REV3L: variants seen among roughly 807,000 people sequenced by gnomAD.
REV3L encodes DNA polymerase zeta catalytic subunit.
Under a neutral mutation model 299.4 loss-of-function variants are expected in REV3L, and 69 were observed. The ratio of observed to expected loss-of-function variants is 0.23; its 90% confidence interval spans 0.19 to 0.28. REV3L has a LOEUF of 0.28. Among genes scored for constraint, REV3L ranks in the 10% least tolerant of loss-of-function variants. The pLI, the probability that REV3L is intolerant of heterozygous loss-of-function variation, is 1.00. For synonymous variants in REV3L, 1,238 were observed against 1,271.4 expected (o/e 0.97, Z 0.56); for missense variants, 3,128 against 3,693.8 (o/e 0.85, Z 3.97).
chr6:111,413,190 T>C (rs749629633), intron 2 of REV3L, among the ~76,000 whole-genome samples: 1 of 152,146 alleles, frequency 6.6e-6, no homozygotes, highest in Non-Finnish European at 1.5e-5. Context: ...TGCTATGGTA[T>C]TTTTCATATA....
At chr6:111,393,690 C>T (rs561511184) in intron 4 of REV3L, among the ~76,000 whole-genome samples, 3 of 151,956 alleles carry the variant, frequency 2.0e-5, no homozygotes, top group Admixed American at 1.3e-4. Flanking sequence ...CTAGTAACTA[C>T]CTTTCTTCTT....
At chr6:111,303,578 G>C (rs950828495) in intron 31 of REV3L, among the ~76,000 whole-genome samples, 19 of 149,548 alleles carry the variant, frequency 1.3e-4, no homozygotes, top group African/African-American at 4.7e-4. Flanking sequence ...TGTTGGCCAG[G>C]CTGGTCTCAA....
chr6:111,309,643 C>T lies in REV3L; in HGVS notation c.9042+210G>A, dbSNP rs1164551528. 4 of 478,790 alleles carry T rather than the reference C, an allele frequency of 8.4e-6. No homozygotes were observed. In the South Asian group the frequency reaches 1.5e-4, roughly 18 times the overall value. The allele number at this position is 478,790 out of a possible 1,614,324, so 29.7% of individuals were successfully genotyped here. A position where few individuals can be genotyped will look rare whatever the true frequency, so the allele number is the denominator to read the frequency against. ...GCATGAAAGCAGGAGTGCCTATCCT[C>T]ACCTAGATCTGTGGGGGTGGAGCCC... is the stretch of plus-strand genomic sequence containing the variant. On this transcript the variant is annotated intron_variant, in intron 30 of 31. Transcript: ENST00000368802.
At chr6:111,389,641 A>G (rs12200758) in intron 6 of REV3L, among the ~76,000 whole-genome samples, 16,583 of 151,826 alleles carry the variant, frequency 0.11, 1,204 homozygotes, top group Middle Eastern at 0.2. Context: ...AGCAATCTTC[A>G]TAACATTTTG....
chr6:111,428,608 T>C (rs1423850450), intron 1 of REV3L, among the ~76,000 whole-genome samples: 1 of 151,712 alleles, frequency 6.6e-6, no homozygotes, highest in Non-Finnish European at 1.5e-5. Context: ...AGTCTCTCAA[T>C]AGCAGGATAT....
At chr6:111,330,907 T>A in intron 24 of REV3L, 3 of 834,026 alleles carry the variant, frequency 3.6e-6, no homozygotes, top group Non-Finnish European at 4.3e-6. Context: ...TTTCTTCATC[T>A]ACATGGCTAA....
At chr6:111,392,351 C>T (rs1782018634) in intron 5 of REV3L, among the ~76,000 whole-genome samples, 2 of 152,032 alleles carry the variant, frequency 1.3e-5, no homozygotes, top group African/African-American at 2.4e-5. Context: ...TAAGCAAATA[C>T]ATAGCTGCTT....
chr6:111,356,875 C>T (rs1778145275), intron 18 of REV3L, 139 bp downstream of exon 18: 3 of 399,308 alleles, frequency 7.5e-6, no homozygotes, highest in Non-Finnish European at 1.4e-5. Context: ...AAAATCTTCC[C>T]AAGAGTAACT....
intron 7 of REV3L, 89 bp from the exon 8 acceptor site, chr6:111,388,174 C>A: frequency 1.2e-6 from 1 of 824,454 alleles, no homozygotes. Flanking sequence ...AAAATGGTGG[C>A]AATTTCCTAT....
At chr6:111,377,866 G>C in intron 11 of REV3L, 23 bp from the exon 12 acceptor site, 1 of 1,592,450 alleles carries the variant, frequency 6.3e-7, no homozygotes, top group Non-Finnish European at 8.5e-7. Flanking sequence ...AAAATTCACT[G>C]GTGAGCATGA....
chr6:111,312,309 T>C (rs937047810), intron 28 of REV3L: 2 of 152,204 alleles, frequency 1.3e-5, no homozygotes, highest in Admixed American at 1.3e-4. Context: ...CATAATATAT[T>C]GATAATATTC....
chr6:111,372,611 A>G lies in REV3L; in HGVS notation c.5744T>C (p.Val1915Ala), dbSNP rs771965600. The G allele has an allele frequency of 6.7e-7, 1 of 1,483,124 alleles. No homozygotes were observed. Among genetic ancestry groups the G allele is most frequent in the African/African-American group, 1.4e-5 (1 of 70,950 alleles). 91.9% of individuals were successfully genotyped at this position (1,483,124 alleles called of 1,614,324 possible). ...AACTGATTACCTGGGCTTTTCTGGT[A>G]CATCAGAAGGATTACTGCAAAATGG... ...QEPFCSNPSD[V>A]PEKPREIGGR... is the part of the protein sequence containing the mutation. Residue 1915 changes from valine to alanine, a missense_variant, in exon 13 of 32, where the codon GTA (valine) becomes GCA (alanine). Around this residue, in one of 9 missense-constraint regions of REV3L, gnomAD observed 2,409 missense variants for 2,611.8 expected, o/e 0.92. Coordinates refer to ENST00000368802, the MANE Select transcript of REV3L (RefSeq NM_001372078.1).
At chr6:111,403,157 C>T (rs572271627) in intron 4 of REV3L, among the ~76,000 whole-genome samples, 3 of 152,268 alleles carry the variant, frequency 2.0e-5, no homozygotes, top group Admixed American at 6.5e-5. Context: ...TATATGATTC[C>T]ACTTACATTA....
rs1291033231 is a variant in REV3L, at chr6:111,367,124, A to G, written c.6664T>C (p.Leu2222=). Residue 2222 remains leucine, a synonymous_variant, in exon 14 of 32, where the codon TTA becomes CTA. Coordinates refer to ENST00000368802, the MANE Select transcript of REV3L (RefSeq NM_001372078.1). ...RLPEAPGLSP[L]STEPKTQKLS... ...TTATTTGTACACTTACCTGTTGATAATGGGCTAAGGCCAGGTGCTTCAGGA... is the reference window on the plus strand; with the variant it reads ...TTATTTGTACACTTACCTGTTGATAGTGGGCTAAGGCCAGGTGCTTCAGGA... 6.3e-7 allele frequency: 1 copy of G among 1,576,552 alleles called. No homozygotes were observed. The highest frequency in any genetic ancestry group is 1.2e-5 in the South Asian group (1 of 84,332).
chr6:111,475,298 G>A (rs941304163), intron 1 of REV3L, among the ~76,000 whole-genome samples: 2 of 152,022 alleles, frequency 1.3e-5, no homozygotes, highest in African/African-American at 2.4e-5. Context: ...ATCTTTTGCA[G>A]TAACAAATAA....
At chr6:111,480,045 A>G (rs1331457559) in intron 1 of REV3L, among the ~76,000 whole-genome samples, 1 of 152,252 alleles carries the variant, frequency 6.6e-6, no homozygotes, top group African/African-American at 2.4e-5. Flanking sequence ...TTTGTAATAT[A>G]ATTTTGAAAC....
chr6:111,446,910 A>G (rs989422921), intron 1 of REV3L, among the ~76,000 whole-genome samples: 2 of 152,280 alleles, frequency 1.3e-5, no homozygotes, highest in African/African-American at 4.8e-5. Context: ...AGTAGCAGAG[A>G]CTTGAAGGAT....
chr6:111,351,914 T>C (rs1430428313), intron 18 of REV3L, 123 bp from the exon 19 acceptor site: 2 of 590,358 alleles, frequency 3.4e-6, no homozygotes, highest in African/African-American at 3.8e-5. Flanking sequence ...GGTGCCCAGA[T>C]GGAGAAGGGA....
intron 11 of REV3L, 70 bp from the exon 12 acceptor site, chr6:111,377,913 T>C: frequency 7.8e-7 from 1 of 1,279,712 alleles, no homozygotes; most frequent in Non-Finnish European, 1.1e-6. Flanking sequence ...AAATAATGCA[T>C]CTAAGTTAAC....
Sources: allele counts gnomAD v4.1 joint callset (sites outside exome capture counted in the v4.1 genomes callset), GRCh38; gene constraint gnomAD v4.1.1; regional missense constraint gnomAD v4.1.1; transcripts MANE v1.5; gene names NCBI Gene and HGNC (gene_info 2026-07-23, HGNC 2026-07-21).